The following KLHL1 variants were observed in gnomAD, a reference collection of about 807,000 sequenced individuals.
KLHL1 encodes the protein kelch like family member 1, also known as kelch-like protein 1.
KLHL1 carries 47 observed loss-of-function variants against 77.7 expected under a neutral mutation model. The ratio of observed to expected loss-of-function variants is 0.60; its 90% confidence interval spans 0.48 to 0.77. The LOEUF (loss-of-function observed/expected upper bound fraction) is 0.77, where lower values mean the gene tolerates loss of function less well. Ranked by LOEUF, KLHL1 falls within the 30% of genes least tolerant of loss-of-function variation. KLHL1 has a pLI of 0.00. For missense variants in KLHL1, 925 were observed against 910.8 expected (o/e 1.02, Z -0.20); for synonymous variants, 360 against 325.2 (o/e 1.11, Z -1.15).
chr13:69,797,827 T>TAA (rs35332261), intron 6 of KLHL1, among the ~76,000 whole-genome samples: 34,079 of 130,410 alleles, frequency 0.26, 4,389 homozygotes, highest in South Asian at 0.36. Context: ...AGACTCCATC[T>TAA]AAAAAAAAAA....
chr13:69,936,547 C>G (rs1593965694), intron 4 of KLHL1, among the ~76,000 whole-genome samples: 1 of 149,314 alleles, frequency 6.7e-6, no homozygotes, highest in Non-Finnish European at 1.5e-5. Context: ...GGAGATTACG[C>G]CTCTGCACTC....
chr13:69,921,121 A>G (rs183385310), intron 4 of KLHL1, among the ~76,000 whole-genome samples: 1 of 152,354 alleles, frequency 6.6e-6, no homozygotes, highest in East Asian at 1.9e-4. Flanking sequence ...AGAGAGTTAA[A>G]CAGAGTTGCA....
rs190536418 is a variant in KLHL1 at position 69,802,240 on chromosome 13, C to T, written c.1415-5278G>A. 1.8e-3 allele frequency among the ~76,000 whole-genome samples: 276 copies of T among 152,210 alleles called. 3 individuals are homozygous for T. Among genetic ancestry groups the T allele is most frequent in the Non-Finnish European group, 2.7e-3 (184 of 68,014 alleles). ...CATAGTATTCCATGGTGTATATGTG[C>T]CCCATTTTCTTTATCCAGTCTATCA... is the stretch of plus-strand genomic sequence containing the variant. On this transcript the variant is annotated intron_variant, in intron 6 of 10. Coordinates refer to ENST00000377844, the MANE Select transcript of KLHL1 (RefSeq NM_020866.3).
chr13:70,067,696 T>C (rs1887042723), intron 1 of KLHL1, among the ~76,000 whole-genome samples: 1 of 152,154 alleles, frequency 6.6e-6, no homozygotes, highest in Non-Finnish European at 1.5e-5. Context: ...ATTCCATATC[T>C]CTTTGAAAGA....
chr13:70,053,970 G>C (rs921083674), intron 1 of KLHL1, among the ~76,000 whole-genome samples: 8 of 152,096 alleles, frequency 5.3e-5, no homozygotes, highest in African/African-American at 1.9e-4. Context: ...TCCTGATCCT[G>C]AATGTGACAG....
Position 69,996,142 on chromosome 13 carries a change from A to G in KLHL1, c.498-20340T>C, listed in dbSNP as rs2439662. Among the ~76,000 whole-genome samples, 969 of 152,088 alleles carry G rather than the reference A, an allele frequency of 6.4e-3. 9 individuals carry two copies. Among genetic ancestry groups the G allele is most frequent in the African/African-American group, 0.022 (908 of 41,508 alleles). ...ACATGGTAAAACCCTGTCTCTACTAAAAATACAAAAATTAGCTGCGCATGG... is the reference window on the plus strand; with the variant it reads ...ACATGGTAAAACCCTGTCTCTACTAGAAATACAAAAATTAGCTGCGCATGG... On this transcript the variant is annotated intron_variant, in intron 1 of 10. Coordinates refer to ENST00000377844, the MANE Select transcript of KLHL1 (RefSeq NM_020866.3).
At chr13:69,706,558 C>T (rs1451762688) in intron 10 of KLHL1, among the ~76,000 whole-genome samples, 1 of 151,844 alleles carries the variant, frequency 6.6e-6, no homozygotes, top group Non-Finnish European at 1.5e-5. Context: ...TGACCAAAAT[C>T]AGATCCTTCC....
chr13:69,940,049 G>A lies in KLHL1; in HGVS notation c.1005C>T (p.Ser335=), dbSNP rs762176704. The A allele has an allele frequency of 1.2e-6, 2 of 1,604,636 alleles. No homozygotes were observed. The highest frequency in any genetic ancestry group is 2.7e-5 in the African/African-American group (2 of 74,394). Residue 335 remains serine, a synonymous_variant, in exon 4 of 11, where the codon AGC becomes AGT. Transcript: ENST00000377844. The part of the protein sequence containing the change: ...GCIELMKVAH[S]YTMENIMEVI... ...CATTAAGTTTCCTTACCATTGTGTA[G>A]CTGTGGGCCACCTTCATTAACTCAA...
chr13:69,963,386 CAT>C (rs1290152470), intron 2 of KLHL1, among the ~76,000 whole-genome samples: 1 of 152,142 alleles, frequency 6.6e-6, no homozygotes, highest in African/African-American at 2.4e-5. Flanking sequence ...ATGTTTTTCA[CAT>C]GTGTGTATGC....
At position 69,926,009 on chromosome 13, in the gene KLHL1, T is replaced by C. The variant is rs1036125112; in HGVS notation, c.1014+14031A>G. Among the ~76,000 whole-genome samples the C allele has an allele frequency of 2.6e-5, 4 of 152,370 alleles. No individual in the cohort carries two copies. In the South Asian group the frequency reaches 8.3e-4, roughly 32 times the overall value. On this transcript the variant is annotated intron_variant, in intron 4 of 10. Transcript: ENST00000377844. ...TACATATGCATTCACTAATTAATGT[T>C]GGACCTCCTTTCAAGTCAGTCTATA...
At chr13:69,784,877 T>C (rs1425210370) in intron 7 of KLHL1, among the ~76,000 whole-genome samples, 1 of 138,800 alleles carries the variant, frequency 7.2e-6, no homozygotes, top group Non-Finnish European at 1.6e-5. Context: ...ATCAACAGAA[T>C]ATACATTTTT....
At chr13:69,970,189 G>A (rs1196295193) in intron 2 of KLHL1, among the ~76,000 whole-genome samples, 1 of 151,974 alleles carries the variant, frequency 6.6e-6, no homozygotes, top group African/African-American at 2.4e-5. Flanking sequence ...TATTTTTACG[G>A]TGGTTGTAAA....
intron 1 of KLHL1, among the ~76,000 whole-genome samples, chr13:70,015,162 T>C (rs1260954789): frequency 3.3e-5 from 5 of 152,136 alleles, no homozygotes; most frequent in Non-Finnish European, 7.4e-5. Flanking sequence ...CAAAGAAATA[T>C]GTTTTTAGGC....
intron 6 of KLHL1, among the ~76,000 whole-genome samples, chr13:69,802,372 G>C (rs1421063486): frequency 6.6e-6 from 1 of 152,096 alleles, no homozygotes; most frequent in Non-Finnish European, 1.5e-5. Context: ...AATCTTTTGA[G>C]TATATACCCA....
chr13:69,800,637 GA>G (rs1208697307), intron 6 of KLHL1, among the ~76,000 whole-genome samples: 8 of 151,866 alleles, frequency 5.3e-5, no homozygotes, highest in Non-Finnish European at 1.0e-4. Flanking sequence ...ATCCTTCATG[GA>G]ATTTCCTCAC....
At chr13:69,859,044 C>G (rs1375093533) in intron 5 of KLHL1, among the ~76,000 whole-genome samples, 1 of 152,084 alleles carries the variant, frequency 6.6e-6, no homozygotes, top group Non-Finnish European at 1.5e-5. Flanking sequence ...GGCCCTCTTA[C>G]TCTTTTCCTT....
intron 6 of KLHL1, among the ~76,000 whole-genome samples, chr13:69,822,328 C>T (rs1349119125): frequency 1.3e-5 from 2 of 151,824 alleles, no homozygotes; most frequent in African/African-American, 4.8e-5. Context: ...AAGGAGCAGA[C>T]AGTAGAAAGG....
At chr13:69,908,843 A>T (rs1298562162) in intron 4 of KLHL1, among the ~76,000 whole-genome samples, 1 of 151,116 alleles carries the variant, frequency 6.6e-6, no homozygotes, top group Non-Finnish European at 1.5e-5. Flanking sequence ...TTATTATAGT[A>T]TATGGTTCAA....
At chr13:70,052,632 T>C (rs1886655796) in intron 1 of KLHL1, among the ~76,000 whole-genome samples, 1 of 151,866 alleles carries the variant, frequency 6.6e-6, no homozygotes, top group African/African-American at 2.4e-5. Context: ...TTATTAACTA[T>C]TAAAATAAAT....
Sources: gnomAD v4.1 joint callset for allele counts (sites outside exome capture counted in the v4.1 genomes callset) on GRCh38, gnomAD v4.1.1 for gene constraint, MANE v1.5 for transcripts, NCBI Gene and HGNC (gene_info 2026-07-23, HGNC 2026-07-21) for gene names.